The following KDM1B variants were observed in gnomAD, a reference collection of about 807,000 sequenced individuals.
KDM1B encodes lysine demethylase 1B.
In KDM1B, 63 loss-of-function variants were observed where a neutral mutation model predicts 107.4. That is an observed-to-expected ratio of 0.59 (90% CI 0.48 to 0.72). The LOEUF is 0.72. KDM1B is among the 30% of genes least tolerant of loss of function. The pLI, the probability that KDM1B is intolerant of heterozygous loss-of-function variation, is 0.00. For missense variants in KDM1B, 749 were observed against 1,020.8 expected, an observed-to-expected ratio of 0.73 and a Z score of 3.63; for synonymous variants, 363 against 363.9, an observed-to-expected ratio of 1.00 and a Z score of 0.03.
chr6:18,213,791 T>TTC lies in KDM1B; in HGVS notation c.2109+11_2109+12dup. On this transcript the variant is annotated intron_variant, in intron 19 of 21. Transcript: ENST00000650836. The surrounding 1 kb of genome is among the most constrained non-coding windows in gnomAD (Gnocchi z 5.9). ...TGACATGGATCCCCAGGTAAAATCA[T>TTC]TCGTGAACTGTGGTTTGAATTTCCG... 2 of 1,613,942 alleles carry TTC rather than the reference T, an allele frequency of 1.2e-6. No homozygotes were observed. The highest frequency in any genetic ancestry group is 1.7e-6 in the Non-Finnish European group (2 of 1,179,880).
At chr6:18,199,029 AAAAAG>A (rs1561940289) in intron 12 of KDM1B, among the ~76,000 whole-genome samples, 1 of 110,332 alleles carries the variant, frequency 9.1e-6, no homozygotes, top group African/African-American at 4.5e-5. Context: ...AAAAAAAAAA[AAAAAG>A]AAAAAAACAG....
intron 6 of KDM1B, among the ~76,000 whole-genome samples, chr6:18,169,129 C>T (rs1785496826): frequency 6.6e-6 from 1 of 152,014 alleles, no homozygotes. Context: ...GCCTCGGCGT[C>T]CCAAAGTGCT....
At chr6:18,164,524 A>T (rs1405127482) in intron 5 of KDM1B, among the ~76,000 whole-genome samples, 2 of 152,112 alleles carry the variant, frequency 1.3e-5, no homozygotes, top group Non-Finnish European at 2.9e-5. Context: ...TTTGTGTAAT[A>T]TCCCTTGTCT....
intron 7 of KDM1B, among the ~76,000 whole-genome samples, chr6:18,174,519 A>G (rs993876484): frequency 6.6e-6 from 1 of 151,876 alleles, no homozygotes; most frequent in African/African-American, 2.4e-5. Flanking sequence ...TTGGTTATAT[A>G]AGTTCTTTAG....
rs1784838801 is a variant in KDM1B at position 18,159,538 on chromosome 6, A to G, written c.-13-345A>G. 6.6e-6 allele frequency among the ~76,000 whole-genome samples: 1 copy of G among 152,210 alleles called. No homozygotes were observed. Among genetic ancestry groups the G allele is most frequent in the Admixed American group, 6.5e-5 (1 of 15,280 alleles). On this transcript the variant is annotated intron_variant, in intron 2 of 21. Transcript: ENST00000650836. This position sits in a 1 kb window ranked among gnomAD's most constrained non-coding sequence, Gnocchi z 4.5. ...GGTTATCTTGTTTAAACTTCATGCC[A>G]GTGCTATAGTAAATGCTTATGGTGC...
In KDM1B at chr6:18,197,023, TA is replaced by T. The variant is rs746261359; in HGVS notation, c.970-28del. On this transcript the variant is annotated intron_variant, in intron 10 of 21. Coordinates refer to ENST00000650836, the MANE Select transcript of KDM1B (RefSeq NM_001364614.2). The surrounding 1 kb of genome is among the most constrained non-coding windows in gnomAD (Gnocchi z 4.5). ...TTGTTTGAATTTCTTGGGACTTTTT[TA>T]AAAAAGCAGTTTGGTTTTATTTCCA... 5 of 1,564,002 alleles carry T rather than the reference TA, an allele frequency of 3.2e-6. No homozygotes were observed. Among genetic ancestry groups the T allele is most frequent in the Non-Finnish European group, 4.4e-6 (5 of 1,147,526 alleles).
chr6:18,208,895 C>T, intron 17 of KDM1B, among the ~76,000 whole-genome samples: 1 of 150,428 alleles, frequency 6.6e-6, no homozygotes, highest in Non-Finnish European at 1.5e-5. Flanking sequence ...ACCTCATGAT[C>T]CGCCCGCCTC....
rs1172596571 is a variant in KDM1B at position 18,214,161 on chromosome 6, G to A, written c.2109+380G>A. 6.6e-6 allele frequency among the ~76,000 whole-genome samples: 1 copy of A among 152,088 alleles called. No homozygotes were observed. Among genetic ancestry groups the A allele is most frequent in the Non-Finnish European group, 1.5e-5 (1 of 68,022 alleles). ...GTGTATGATTGGTGAGGGAGGGTGT[G>A]AGTGTCAGCAGATGTGAGAGCTGAG... is the stretch of plus-strand genomic sequence containing the variant. On this transcript the variant is annotated intron_variant, in intron 19 of 21. Coordinates refer to ENST00000650836, the MANE Select transcript of KDM1B (RefSeq NM_001364614.2). This position sits in a 1 kb window ranked among gnomAD's most constrained non-coding sequence, Gnocchi z 4.4.
chr6:18,197,560 T>G lies in KDM1B; in HGVS notation c.1147-27T>G. On this transcript the variant is annotated intron_variant, in intron 11 of 21. Transcript: ENST00000650836. The surrounding 1 kb of genome is among the most constrained non-coding windows in gnomAD (Gnocchi z 4.5). Reference sequence around the variant, plus strand: ...GGACGTTGTTATCATCTGCTCTAATTGGACTTTTGTTTCTTTTCTTTTTAA... The same window carrying G: ...GGACGTTGTTATCATCTGCTCTAATGGGACTTTTGTTTCTTTTCTTTTTAA... 1 of 1,584,684 alleles carries G rather than the reference T, an allele frequency of 6.3e-7. No homozygotes were observed. Among genetic ancestry groups the G allele is most frequent in the Non-Finnish European group, 8.7e-7 (1 of 1,153,856 alleles).
intron 7 of KDM1B, among the ~76,000 whole-genome samples, chr6:18,185,183 T>C (rs909205775): frequency 1.3e-5 from 2 of 152,230 alleles, no homozygotes; most frequent in Admixed American, 1.3e-4. Flanking sequence ...AAAGATAATG[T>C]CAAATGATTG....
At position 18,209,747 on chromosome 6, in the gene KDM1B, A is replaced by G. The variant is rs1274762070; in HGVS notation, c.1866+1541A>G. On this transcript the variant is annotated intron_variant, in intron 17 of 21. Transcript: ENST00000650836. This position sits in a 1 kb window ranked among gnomAD's most constrained non-coding sequence, Gnocchi z 4.3. Reference sequence around the variant, plus strand: ...GAGCCTCCCTCGAGTAGCTGGGATTACAGGCATGCACCACCATGCCCGGCT... The same window carrying G: ...GAGCCTCCCTCGAGTAGCTGGGATTGCAGGCATGCACCACCATGCCCGGCT... 6.6e-6 allele frequency among the ~76,000 whole-genome samples: 1 copy of G among 152,160 alleles called. No homozygotes were observed. Among genetic ancestry groups the G allele is most frequent in the Admixed American group, 6.5e-5 (1 of 15,270 alleles).
intron 5 of KDM1B, among the ~76,000 whole-genome samples, chr6:18,165,316 G>A (rs1411233678): frequency 6.6e-6 from 1 of 151,536 alleles, no homozygotes; most frequent in African/African-American, 2.4e-5. Context: ...ATTTTTAGTA[G>A]AGACGGGGTT....
At chr6:18,176,666 C>G (rs13216570) in intron 7 of KDM1B, among the ~76,000 whole-genome samples, 141,039 of 152,266 alleles carry the variant, frequency 0.93, 65,386 homozygotes, top group African/African-American at 0.94. Flanking sequence ...AATCATAAAG[C>G]GTTGCTGGAT....
chr6:18,167,666 G>T (rs1294717628), intron 6 of KDM1B, among the ~76,000 whole-genome samples: 1 of 151,850 alleles, frequency 6.6e-6, no homozygotes, highest in African/African-American at 2.4e-5. Context: ...TAGAGATGGG[G>T]TTTCACCATG....
chr6:18,194,185 T>C (rs1056421573), intron 10 of KDM1B, among the ~76,000 whole-genome samples: 8 of 151,950 alleles, frequency 5.3e-5, no homozygotes, highest in African/African-American at 1.5e-4. Flanking sequence ...CTAAATTTCT[T>C]GTATTTTTAG....
chr6:18,198,734 T>A (rs576815293), intron 12 of KDM1B, among the ~76,000 whole-genome samples: 27 of 151,860 alleles, frequency 1.8e-4, no homozygotes, highest in Non-Finnish European at 3.2e-4. Context: ...GATTGTTTAT[T>A]TCAGTATTAG....
chr6:18,208,285 C>G, intron 17 of KDM1B, 79 bp downstream of exon 17: 1 of 1,075,298 alleles, frequency 9.3e-7, no homozygotes, highest in South Asian at 1.4e-5. Flanking sequence ...TCTTTCCTAT[C>G]AAGGAGTTTG....
In KDM1B at chr6:18,219,047, C is replaced by T. The variant is rs906687909; in HGVS notation, c.2385+1162C>T. ...CCTCCCGAATAGCTGGGACCACAGGCGCCCGCCACCACGCCCGACTAATTT... is the reference window on the plus strand; with the variant it reads ...CCTCCCGAATAGCTGGGACCACAGGTGCCCGCCACCACGCCCGACTAATTT... On this transcript the variant is annotated intron_variant, in intron 21 of 21. Coordinates refer to ENST00000650836, the MANE Select transcript of KDM1B (RefSeq NM_001364614.2). 4.6e-5 allele frequency among the ~76,000 whole-genome samples: 7 copies of T among 152,174 alleles called. No individual in the cohort carries two copies. In the South Asian group the frequency reaches 6.2e-4, roughly 14 times the overall value.
intron 7 of KDM1B, 22 bp downstream of exon 7, chr6:18,171,501 G>T (rs1391987778): frequency 8.3e-7 from 1 of 1,208,684 alleles, no homozygotes; most frequent in South Asian, 1.2e-5. Context: ...TTTTGCTTTT[G>T]AGTTAATTGA....
Sources: gnomAD v4.1 joint callset for allele counts (sites outside exome capture counted in the v4.1 genomes callset) on GRCh38, gnomAD v4.1.1 for gene constraint, Gnocchi (gnomAD v3.1) non-coding constraint, MANE v1.5 for transcripts, NCBI Gene and HGNC (gene_info 2026-07-23, HGNC 2026-07-21) for gene names.